The following FRAS1 variants were observed in gnomAD, a reference collection of about 807,000 sequenced individuals.
FRAS1 encodes the protein extracellular matrix organizing protein FRAS1.
Under a neutral mutation model 435.2 loss-of-function variants are expected in FRAS1, and 290 were observed. The ratio of observed to expected loss-of-function variants is 0.67; its 90% confidence interval spans 0.61 to 0.73. FRAS1 has a LOEUF of 0.73. FRAS1 is among the 30% of genes least tolerant of loss of function. FRAS1 has a pLI of 0.00. For synonymous variants in FRAS1, 1,800 were observed against 1,851.0 expected (o/e 0.97, Z 0.71); for missense variants, 4,860 against 5,001.5 (o/e 0.97, Z 0.85).
intron 6 of FRAS1, among the ~76,000 whole-genome samples, chr4:78,258,147 C>T (rs1174297529): frequency 1.3e-5 from 2 of 151,940 alleles, no homozygotes; most frequent in Non-Finnish European, 2.9e-5. Flanking sequence ...TCGAGACCAT[C>T]CTGGGCAATG....
chr4:78,221,568 C>T (rs1358901286), intron 2 of FRAS1, among the ~76,000 whole-genome samples: 2 of 152,216 alleles, frequency 1.3e-5, no homozygotes, highest in African/African-American at 4.8e-5. Context: ...CCCTCATTCT[C>T]CAAATACTGT....
intron 18 of FRAS1, among the ~76,000 whole-genome samples, chr4:78,330,739 AC>A (rs771079464): frequency 2.0e-5 from 3 of 151,962 alleles, no homozygotes; most frequent in African/African-American, 7.3e-5. Flanking sequence ...TGATTGCAAA[AC>A]CCTGTCTCCT....
chr4:78,496,982 T>C lies in FRAS1; in HGVS notation c.9115+21T>C, dbSNP rs78234981. 7,732 of 1,594,244 alleles carry C rather than the reference T, an allele frequency of 4.8e-3. 343 individuals carry two copies. The African/African-American group carries it at 0.088, about 18-fold the overall frequency. On this transcript the variant is annotated intron_variant, in intron 60 of 73. Transcript: ENST00000512123. ...AGATGGTAACAGAAGAAATTATCTT[T>C]AGTTACTCTTAGGTTGAGGGGACAT...
intron 4 of FRAS1, among the ~76,000 whole-genome samples, chr4:78,246,855 A>T (rs28743054): frequency 0.029 from 4,370 of 152,232 alleles, 214 homozygotes; most frequent in African/African-American, 0.098. Flanking sequence ...ATGCTCTCTC[A>T]TGTCATGTGT....
rs1722040993 is a variant in FRAS1 at position 78,541,201 on chromosome 4, C to T, written c.*77C>T. On this transcript the variant is annotated 3_prime_UTR_variant, in exon 74 of 74. Transcript: ENST00000512123. ...GGAAATACTGGTATTTTTATAATCT[C>T]GCAGATAAAAAAGGGAAAACTATAG... The T allele has an allele frequency of 5.5e-6, 5 of 905,682 alleles. No individual in the cohort carries two copies. The highest frequency in any genetic ancestry group is 4.3e-5 in the South Asian group (1 of 23,226). The allele number at this position is 905,682 out of a possible 1,614,324, so 56.1% of individuals were successfully genotyped here.
chr4:78,446,042 T>C, intron 42 of FRAS1: 1 of 1,201,218 alleles, frequency 8.3e-7, no homozygotes, highest in Non-Finnish European at 1.0e-6. Flanking sequence ...TGTGTTTGGT[T>C]CTATATGCAT....
chr4:78,273,916 A>G (rs578149188), intron 9 of FRAS1, among the ~76,000 whole-genome samples: 1 of 152,210 alleles, frequency 6.6e-6, no homozygotes, highest in Non-Finnish European at 1.5e-5. Context: ...TACCTCTGGT[A>G]GAATTCGGCT....
chr4:78,111,795 G>C (rs553761108), intron 2 of FRAS1, among the ~76,000 whole-genome samples: 1 of 148,194 alleles, frequency 6.7e-6, no homozygotes, highest in South Asian at 2.2e-4. Context: ...TGTCTGTTTT[G>C]CAACAATGTA....
intron 2 of FRAS1, among the ~76,000 whole-genome samples, chr4:78,162,644 C>T (rs561015016): frequency 2.0e-5 from 3 of 152,154 alleles, no homozygotes; most frequent in Non-Finnish European, 4.4e-5. Context: ...CTGCCATTGT[C>T]ATTGTTGCTA....
chr4:78,303,328 C>G (rs1188372966), intron 14 of FRAS1, among the ~76,000 whole-genome samples: 1 of 152,156 alleles, frequency 6.6e-6, no homozygotes, highest in East Asian at 1.9e-4. Context: ...TGAGGATTGA[C>G]TTGGCGATGG....
At chr4:78,070,886 T>C (rs1228960436) in intron 2 of FRAS1, 1 of 152,192 alleles carries the variant, frequency 6.6e-6, no homozygotes, top group Middle Eastern at 3.2e-3. Flanking sequence ...AGGACTGTTG[T>C]GAAGCTTAAA....
chr4:78,290,486 G>T (rs6830325), intron 14 of FRAS1, among the ~76,000 whole-genome samples: 2,051 of 149,382 alleles, frequency 0.014, 52 homozygotes, highest in African/African-American at 0.048. Context: ...AGAGGGAGTC[G>T]CGCTCTGTCA....
chr4:78,517,691 C>A (rs983853296), intron 66 of FRAS1, among the ~76,000 whole-genome samples: 2 of 152,136 alleles, frequency 1.3e-5, no homozygotes, highest in African/African-American at 4.8e-5. Context: ...TGAGAAGGTG[C>A]CTTGCACAGT....
intron 2 of FRAS1, among the ~76,000 whole-genome samples, chr4:78,207,390 A>G (rs961411574): frequency 4.6e-5 from 7 of 152,222 alleles, no homozygotes; most frequent in African/African-American, 1.7e-4. Context: ...TTCATAAGGA[A>G]TATTTAGGGC....
intron 2 of FRAS1, among the ~76,000 whole-genome samples, chr4:78,133,604 C>T (rs1042736657): frequency 9.9e-5 from 15 of 152,102 alleles, no homozygotes; most frequent in Non-Finnish European, 2.1e-4. Context: ...TACACATTGC[C>T]TGCCTGTATC....
intron 18 of FRAS1, among the ~76,000 whole-genome samples, chr4:78,323,134 CT>C (rs1254496691): frequency 6.6e-6 from 1 of 152,198 alleles, no homozygotes; most frequent in Non-Finnish European, 1.5e-5. Context: ...GAACTGGGTG[CT>C]TCACAAGGCA....
intron 2 of FRAS1, among the ~76,000 whole-genome samples, chr4:78,127,856 C>G (rs1257347138): frequency 6.6e-6 from 1 of 150,824 alleles, no homozygotes; most frequent in Non-Finnish European, 1.5e-5. Flanking sequence ...CACCCAATAA[C>G]TCGTCATTTA....
At chr4:78,200,193 A>C (rs1196510825) in intron 2 of FRAS1, among the ~76,000 whole-genome samples, 1 of 152,206 alleles carries the variant, frequency 6.6e-6, no homozygotes, top group Non-Finnish European at 1.5e-5. Flanking sequence ...GTAGGTTTCT[A>C]GCCCTTGTCA....
chr4:78,396,907 T>C (rs1461617784), intron 29 of FRAS1, among the ~76,000 whole-genome samples: 2 of 152,188 alleles, frequency 1.3e-5, no homozygotes, highest in Non-Finnish European at 2.9e-5. Context: ...TTTAATTTTG[T>C]TTATGTGTGG....
Sources: gnomAD v4.1 joint callset for allele counts (sites outside exome capture counted in the v4.1 genomes callset) on GRCh38, gnomAD v4.1.1 for gene constraint, MANE v1.5 for transcripts, NCBI Gene and HGNC (gene_info 2026-07-23, HGNC 2026-07-21) for gene names.